Variants in HYDIN observed in about 807,000 individuals in gnomAD.
HYDIN encodes axonemal central pair apparatus protein HYDIN.
In HYDIN, 132 loss-of-function variants were observed where a neutral mutation model predicts 403.9. The ratio of observed to expected loss-of-function variants is 0.33; its 90% CI spans 0.28 to 0.38. The LOEUF is 0.38. HYDIN is among the 10% of genes least tolerant of loss of function. HYDIN has a pLI of 1.00. For missense variants in HYDIN, 2,827 were observed against 5,009.5 expected, an observed-to-expected ratio of 0.56 and a Z score of 13.15; for synonymous variants, 1,202 against 1,891.7, an observed-to-expected ratio of 0.64 and a Z score of 9.46.
chr16:71,012,847 C>CTTTTTTTT (rs35998725), intron 23 of HYDIN, among the ~76,000 whole-genome samples: 6 of 125,734 alleles, frequency 4.8e-5, no homozygotes, highest in Admixed American at 8.0e-5. Flanking sequence ...AACCAGGTGG[C>CTTTTTTTT]TTTTTTTTTT....
At chr16:70,931,469 C>G (rs1267462209) in intron 45 of HYDIN, among the ~76,000 whole-genome samples, 1 of 152,044 alleles carries the variant, frequency 6.6e-6, no homozygotes, top group Non-Finnish European at 1.5e-5. Context: ...CCTTGCTACT[C>G]AGAGTGTGAC....
At chr16:71,094,711 GGAGTCAAATTTCTATGTCCAAGGCAGCA>G (rs1183702522) in intron 10 of HYDIN, among the ~76,000 whole-genome samples, 1 of 152,286 alleles carries the variant, frequency 6.6e-6, no homozygotes, top group Non-Finnish European at 1.5e-5. Context: ...GCACTTGCAT[GGAGTCAAATTTCTATGTCCAAGGCAGCA>G]GAGGAAAAGT....
At chr16:71,067,096 C>T (rs1597696231) in intron 15 of HYDIN, 194 bp downstream of exon 15, 1 of 601,982 alleles carries the variant, frequency 1.7e-6, no homozygotes, top group South Asian at 2.0e-5. Context: ...ACACACACTT[C>T]TTCTTATCTC....
intron 18 of HYDIN, among the ~76,000 whole-genome samples, chr16:71,051,711 A>G (rs561987305): frequency 6.6e-6 from 1 of 152,296 alleles, no homozygotes; most frequent in Admixed American, 6.5e-5. Flanking sequence ...AATGTGAGGA[A>G]TAACAGCGTC....
intron 9 of HYDIN, among the ~76,000 whole-genome samples, chr16:71,120,078 C>G (rs2084200117): frequency 6.6e-6 from 1 of 151,888 alleles, no homozygotes; most frequent in Admixed American, 6.6e-5. Context: ...GGATCCGCGT[C>G]CCCCATTCTG....
chr16:71,109,376 G>A (rs1317160184), intron 10 of HYDIN, among the ~76,000 whole-genome samples: 5 of 135,150 alleles, frequency 3.7e-5, no homozygotes, highest in Non-Finnish European at 5.9e-5. Context: ...TGTCGTTTAC[G>A]CAAAACGACA....
At chr16:70,831,831 C>A (rs1202971758) in intron 80 of HYDIN, among the ~76,000 whole-genome samples, 1 of 132,698 alleles carries the variant, frequency 7.5e-6, no homozygotes, top group African/African-American at 2.9e-5. Flanking sequence ...AGAAAAGAGT[C>A]TTTTCAACAA....
intron 2 of HYDIN, among the ~76,000 whole-genome samples, chr16:71,186,393 C>T (rs995922333): frequency 6.6e-6 from 1 of 151,980 alleles, no homozygotes; most frequent in Non-Finnish European, 1.5e-5. Context: ...TCTTGCCAAT[C>T]GGTAGGTAGT....
At chr16:71,230,025 T>A (rs568689258) in intron 1 of HYDIN, among the ~76,000 whole-genome samples, 21 of 152,324 alleles carry the variant, frequency 1.4e-4, no homozygotes, top group African/African-American at 5.1e-4. Context: ...CATGCTCTCT[T>A]GCCTGCCGCC....
chr16:70,909,888 G>A (rs1174482600), intron 47 of HYDIN, among the ~76,000 whole-genome samples: 3 of 149,790 alleles, frequency 2.0e-5, no homozygotes, highest in Non-Finnish European at 4.4e-5. Context: ...GTAGAGACGG[G>A]GTTTCACCAT....
intron 5 of HYDIN, among the ~76,000 whole-genome samples, chr16:71,168,566 G>A (rs1295605010): frequency 6.6e-6 from 1 of 151,318 alleles, no homozygotes; most frequent in Non-Finnish European, 1.5e-5. Flanking sequence ...AGGCCAGGTC[G>A]GTAGGGTGGC....
chr16:71,094,057 G>C, intron 10 of HYDIN, 122 bp from the exon 11 acceptor site: 1 of 674,662 alleles, frequency 1.5e-6, no homozygotes, highest in Non-Finnish European at 2.3e-6. Context: ...GCATTGCACC[G>C]AGGGAACTGC....
chr16:71,065,366 G>A (rs1197774274), intron 15 of HYDIN, among the ~76,000 whole-genome samples: 2 of 152,124 alleles, frequency 1.3e-5, no homozygotes, highest in Admixed American at 6.5e-5. Flanking sequence ...GCACTGTGAC[G>A]GGGTTGTCAC....
intron 39 of HYDIN, among the ~76,000 whole-genome samples, chr16:70,958,414 T>C (rs186533111): frequency 6.6e-6 from 1 of 152,350 alleles, no homozygotes; most frequent in Admixed American, 6.5e-5. Context: ...GAGCCTCCAC[T>C]AGAACAGAGC....
At chr16:71,096,419 T>C (rs2083279696) in intron 10 of HYDIN, among the ~76,000 whole-genome samples, 1 of 152,242 alleles carries the variant, frequency 6.6e-6, no homozygotes, top group Admixed American at 6.5e-5. Context: ...TTCTGAAAAA[T>C]TTTGAGTCAT....
intron 57 of HYDIN, among the ~76,000 whole-genome samples, chr16:70,891,335 T>C (rs916890664): frequency 6.6e-6 from 1 of 152,156 alleles, no homozygotes; most frequent in Non-Finnish European, 1.5e-5. Context: ...ATTACAGGCA[T>C]GTGCCACCAC....
intron 23 of HYDIN, among the ~76,000 whole-genome samples, chr16:70,994,871 C>T (rs1338828927): frequency 1.3e-4 from 19 of 148,740 alleles, no homozygotes; most frequent in African/African-American, 2.0e-4. Flanking sequence ...GAGGCTTTGC[C>T]GGCTCGCTGC....
At chr16:71,176,740 C>T (rs2086684591) in intron 4 of HYDIN, among the ~76,000 whole-genome samples, 1 of 152,216 alleles carries the variant, frequency 6.6e-6, no homozygotes, top group African/African-American at 2.4e-5. Flanking sequence ...AATCTGAACC[C>T]AGATTAGTCT....
At chr16:71,192,877 A>G (rs1249950152) in intron 1 of HYDIN, among the ~76,000 whole-genome samples, 2 of 152,202 alleles carry the variant, frequency 1.3e-5, no homozygotes, top group Admixed American at 6.5e-5. Context: ...CATCATAATG[A>G]CTTTTCCCAA....
Sources: gnomAD v4.1 joint callset for allele counts (sites outside exome capture counted in the v4.1 genomes callset) on GRCh38, gnomAD v4.1.1 for gene constraint, MANE v1.5 for transcripts, NCBI Gene and HGNC (gene_info 2026-07-23, HGNC 2026-07-21) for gene names.